Variants in PAK1 observed in about 807,000 individuals in gnomAD.
The protein encoded by PAK1 is p21 (RAC1) activated kinase 1.
Under a neutral mutation model 67.4 loss-of-function variants are expected in PAK1, and 29 were observed. That is an observed-to-expected ratio of 0.43 (90% CI 0.32 to 0.59). PAK1 has a LOEUF of 0.59. PAK1 is among the 20% of genes least tolerant of loss of function. PAK1 has a pLI of 0.07. For synonymous variants in PAK1, 223 were observed against 237.4 expected, an observed-to-expected ratio of 0.94 and a Z score of 0.56; for missense variants, 337 against 670.7, an observed-to-expected ratio of 0.50 and a Z score of 5.50.
the PAK1 span, among the ~76,000 whole-genome samples, chr11:77,492,078 GTCAA>G: frequency 6.6e-6 from 1 of 152,206 alleles, no homozygotes; most frequent in Non-Finnish European, 1.5e-5. Context: ...GGTGAATTCA[GTCAA>G]TCAACATATT....
the PAK1 span, among the ~76,000 whole-genome samples, chr11:77,505,318 G>A: frequency 6.6e-6 from 1 of 152,096 alleles, no homozygotes; most frequent in African/African-American, 2.4e-5. Context: ...CTCCTGAGTA[G>A]CTGGGATTAC....
the PAK1 span, among the ~76,000 whole-genome samples, chr11:77,513,585 C>A: frequency 7.2e-6 from 1 of 138,702 alleles, no homozygotes; most frequent in Non-Finnish European, 1.5e-5. Flanking sequence ...GTGGGAGAAT[C>A]ACTTGAGCCC....
intron 1 of PAK1, among the ~76,000 whole-genome samples, chr11:77,417,696 G>A (rs1955041978): frequency 6.6e-6 from 1 of 151,606 alleles, no homozygotes; most frequent in Non-Finnish European, 1.5e-5. Flanking sequence ...TGATAATAGA[G>A]GAAATGGGGA....
At chr11:77,358,180 G>GCT (rs1946301047) in intron 6 of PAK1, among the ~76,000 whole-genome samples, 1 of 151,850 alleles carries the variant, frequency 6.6e-6, no homozygotes, top group African/African-American at 2.4e-5. Flanking sequence ...TCACAGAAGT[G>GCT]CTAGATGGTT....
intron 1 of PAK1, among the ~76,000 whole-genome samples, chr11:77,428,147 A>T (rs1470011755): frequency 6.6e-6 from 1 of 152,250 alleles, no homozygotes; most frequent in Non-Finnish European, 1.5e-5. Flanking sequence ...AACTATTACA[A>T]TGTTTTTAAG....
At chr11:77,475,492 A>G (rs778169964), upstream of PAK1, 22 of 152,224 alleles carry the variant, frequency 1.4e-4, no homozygotes, top group Non-Finnish European at 2.9e-4. Context: ...GCACTTTATT[A>G]CCTGACTGCT....
chr11:77,491,182 TAA>T, the PAK1 span, among the ~76,000 whole-genome samples: 4 of 138,082 alleles, frequency 2.9e-5, no homozygotes, highest in African/African-American at 5.3e-5. Flanking sequence ...ATCCTATGTT[TAA>T]AAAAAAAAAA....
intron 5 of PAK1, among the ~76,000 whole-genome samples, chr11:77,370,698 G>A (rs1948313478): frequency 6.6e-6 from 1 of 152,104 alleles, no homozygotes; most frequent in Non-Finnish European, 1.5e-5. Flanking sequence ...TTTTGTTTCA[G>A]AGCATTGCTT....
chr11:77,338,521 A>G (rs534233481), intron 11 of PAK1, among the ~76,000 whole-genome samples: 2 of 152,170 alleles, frequency 1.3e-5, no homozygotes, highest in Non-Finnish European at 2.9e-5. Context: ...CAGGAACGTA[A>G]AACAGTACAG....
At chr11:77,453,541 A>G (rs980620043) in intron 1 of PAK1, among the ~76,000 whole-genome samples, 2 of 152,050 alleles carry the variant, frequency 1.3e-5, no homozygotes, top group African/African-American at 4.8e-5. Context: ...CAAGGGGGAA[A>G]AGGGCATGGT....
At chr11:77,467,132 A>G (rs1417514137) in intron 1 of PAK1, among the ~76,000 whole-genome samples, 1 of 152,076 alleles carries the variant, frequency 6.6e-6, no homozygotes, top group East Asian at 1.9e-4. Context: ...CTCTCTTTCA[A>G]GAGGGTCCAT....
At chr11:77,351,749 A>T (rs531476484) in intron 8 of PAK1, among the ~76,000 whole-genome samples, 122 of 137,200 alleles carry the variant, frequency 8.9e-4, no homozygotes, top group African/African-American at 2.7e-3. Context: ...TGTATAATTT[A>T]AAAAAAAAAA....
At chr11:77,470,826 C>G (rs1054581230) in intron 1 of PAK1, among the ~76,000 whole-genome samples, 3 of 152,194 alleles carry the variant, frequency 2.0e-5, no homozygotes, top group African/African-American at 7.2e-5. Flanking sequence ...AATATTGCAA[C>G]AGCAGTTTTC....
At chr11:77,459,841 C>T (rs1263074453) in intron 1 of PAK1, among the ~76,000 whole-genome samples, 1 of 151,974 alleles carries the variant, frequency 6.6e-6, no homozygotes, top group Non-Finnish European at 1.5e-5. Context: ...GGACTACAGG[C>T]GCCCGCCACC....
At chr11:77,452,728 C>T (rs1413272004) in intron 1 of PAK1, among the ~76,000 whole-genome samples, 1 of 152,082 alleles carries the variant, frequency 6.6e-6, no homozygotes, top group Non-Finnish European at 1.5e-5. Flanking sequence ...CCTCAAACAC[C>T]CTAGATATAA....
At chr11:77,364,919 A>G (rs770628845) in intron 5 of PAK1, among the ~76,000 whole-genome samples, 3 of 152,198 alleles carry the variant, frequency 2.0e-5, no homozygotes, top group African/African-American at 7.2e-5. Flanking sequence ...CCAGAGAGCT[A>G]AACAAGGGAT....
the PAK1 span, among the ~76,000 whole-genome samples, chr11:77,502,336 CT>C: frequency 6.6e-6 from 1 of 152,138 alleles, no homozygotes; most frequent in Non-Finnish European, 1.5e-5. Context: ...TCATAAATGT[CT>C]ATTATTTTCA....
intron 5 of PAK1, among the ~76,000 whole-genome samples, chr11:77,370,189 T>G (rs1343905733): frequency 6.6e-6 from 1 of 152,224 alleles, no homozygotes; most frequent in African/African-American, 2.4e-5. Context: ...CTCCCAGGTA[T>G]CAAAAGTATG....
intron 1 of PAK1, among the ~76,000 whole-genome samples, chr11:77,410,964 A>G (rs1001807649): frequency 6.6e-6 from 1 of 152,148 alleles, no homozygotes; most frequent in Non-Finnish European, 1.5e-5. Context: ...ACGCAACTTT[A>G]TACCTAAGGA....
Sources: allele counts gnomAD v4.1 joint callset (sites outside exome capture counted in the v4.1 genomes callset), GRCh38; gene constraint gnomAD v4.1.1; transcripts MANE v1.5; gene names NCBI Gene and HGNC (gene_info 2026-07-23, HGNC 2026-07-21).